The following TGFBR2 variants were observed in gnomAD, a reference collection of about 807,000 sequenced individuals.
The protein encoded by TGFBR2 is transforming growth factor beta receptor 2.
A neutral mutation model predicts 49.0 loss-of-function variants in TGFBR2; 18 were observed. The observed-to-expected ratio is 0.37, with a 90% CI of 0.25 to 0.54. The LOEUF (loss-of-function observed/expected upper bound fraction) is 0.54. Ranked by LOEUF, TGFBR2 falls within the 20% of genes least tolerant of loss-of-function variation. TGFBR2 has a pLI of 0.85. For missense variants in TGFBR2, 525 were observed against 722.6 expected (o/e 0.73, Z 3.13); for synonymous variants, 282 against 275.9 (o/e 1.02, Z -0.22).
intron 1 of TGFBR2, among the ~76,000 whole-genome samples, chr3:30,621,823 T>C (rs1698236958): frequency 6.6e-6 from 1 of 152,212 alleles, no homozygotes; most frequent in Admixed American, 6.5e-5. Flanking sequence ...ATCAGTTTAT[T>C]ACTGAGATGC....
chr3:30,645,043 G>T, intron 2 of TGFBR2, 128 bp downstream of exon 2: 1 of 872,456 alleles, frequency 1.1e-6, no homozygotes, highest in South Asian at 1.5e-5. Context: ...CTTTCCTTTA[G>T]ACCATCTCTC....
At chr3:30,691,062 G>A (rs1217353773) in intron 6 of TGFBR2, among the ~76,000 whole-genome samples, 2 of 152,202 alleles carry the variant, frequency 1.3e-5, no homozygotes, top group African/African-American at 4.8e-5. Flanking sequence ...ATAGAAAGGT[G>A]TTGAAATGAT....
chr3:30,691,143 A>T (rs1034769293), intron 6 of TGFBR2, among the ~76,000 whole-genome samples: 1 of 152,174 alleles, frequency 6.6e-6, no homozygotes, highest in Non-Finnish European at 1.5e-5. Flanking sequence ...CCAGCAGAGG[A>T]TCATTGTGCT....
Position 30,692,873 on chromosome 3 carries a change from A to G in TGFBR2, c.*1274A>G. 1 of 233,252 alleles carries G rather than the reference A, an allele frequency of 4.3e-6. No individual in the cohort carries two copies. The allele number at this position is 233,252 out of a possible 1,614,324, so 14.4% of individuals were successfully genotyped here. On this transcript the variant is annotated 3_prime_UTR_variant, in exon 7 of 7. Transcript: ENST00000295754. The stretch of plus-strand genomic sequence containing the variant: ...TAAGGATAGCAGATGGTTTTCAGTT[A>G]TCTCCAGTCCACGTTCACAAAATGT...
rs536030613 is a variant in TGFBR2 at position 30,612,730 on chromosome 3, A to G, written c.94+5753A>G. Among the ~76,000 whole-genome samples the G allele has an allele frequency of 8.0e-5, 6 of 74,818 alleles. No individual in the cohort carries two copies. The South Asian group carries it at 1.6e-3, about 20-fold the overall frequency. 49.1% of individuals were successfully genotyped at this position (74,818 alleles called of 152,430 possible). A position where few individuals can be genotyped will look rare whatever the true frequency, so the allele number is the denominator to read the frequency against. ...CCCCAAATTTTGAGTGTGTAGGACA[A>G]TCATTTGTGTACAATCGTGTACAAC... is the stretch of plus-strand genomic sequence containing the variant. On this transcript the variant is annotated intron_variant, in intron 1 of 6. Transcript: ENST00000295754.
intron 3 of TGFBR2, among the ~76,000 whole-genome samples, chr3:30,652,845 T>C (rs559261005): frequency 6.6e-6 from 1 of 152,326 alleles, no homozygotes; most frequent in African/African-American, 2.4e-5. Context: ...TCATTGAATA[T>C]CTTTGTCAAA....
At chr3:30,614,004 G>GA (rs1698083586) in intron 1 of TGFBR2, among the ~76,000 whole-genome samples, 1 of 151,526 alleles carries the variant, frequency 6.6e-6, no homozygotes, top group South Asian at 2.1e-4. Context: ...GAACATTAAA[G>GA]AAAAAATGAG....
At chr3:30,669,555 G>C (rs757292088) in intron 3 of TGFBR2, among the ~76,000 whole-genome samples, 2 of 152,172 alleles carry the variant, frequency 1.3e-5, no homozygotes, top group Non-Finnish European at 2.9e-5. Context: ...GGTTCAATCA[G>C]GTATGACGTT....
chr3:30,621,657 G>A (rs1017905203), intron 1 of TGFBR2, among the ~76,000 whole-genome samples: 4 of 152,116 alleles, frequency 2.6e-5, no homozygotes, highest in Non-Finnish European at 5.9e-5. Context: ...TTTTAATTTA[G>A]CATGTCATTG....
intron 3 of TGFBR2, among the ~76,000 whole-genome samples, chr3:30,669,051 G>A (rs1326012548): frequency 1.4e-5 from 2 of 143,252 alleles, no homozygotes; most frequent in Admixed American, 1.5e-4. Context: ...GCCAAGGCGG[G>A]CAGATCACAA....
At chr3:30,622,252 C>G (rs1203159605) in intron 1 of TGFBR2, among the ~76,000 whole-genome samples, 11 of 152,062 alleles carry the variant, frequency 7.2e-5, no homozygotes, top group Admixed American at 7.2e-4. Flanking sequence ...CTTTAGATGA[C>G]CAGGGAGGCT....
chr3:30,615,011 G>A (rs140193545), intron 1 of TGFBR2, among the ~76,000 whole-genome samples: 247 of 152,190 alleles, frequency 1.6e-3, no homozygotes, highest in African/African-American at 5.8e-3. Context: ...AATAACACTC[G>A]GTTTATACAC....
At chr3:30,630,250 C>T (rs1158197746) in intron 1 of TGFBR2, among the ~76,000 whole-genome samples, 1 of 152,174 alleles carries the variant, frequency 6.6e-6, no homozygotes, top group African/African-American at 2.4e-5. Flanking sequence ...AGATAAGATT[C>T]AGTGTGGGGC....
intron 3 of TGFBR2, chr3:30,661,432 C>T (rs935685007): frequency 2.6e-6 from 1 of 380,396 alleles, no homozygotes; most frequent in African/African-American, 2.1e-5. Context: ...TAAGGAGGAA[C>T]ATAAAGGGTG....
chr3:30,659,137 T>C (rs897544901), intron 3 of TGFBR2, among the ~76,000 whole-genome samples: 4 of 152,250 alleles, frequency 2.6e-5, no homozygotes, highest in Non-Finnish European at 5.9e-5. Context: ...CTTGGAACTG[T>C]GCACTCACGC....
chr3:30,656,259 A>C (rs1039230728), intron 3 of TGFBR2, among the ~76,000 whole-genome samples: 1 of 152,202 alleles, frequency 6.6e-6, no homozygotes, highest in African/African-American at 2.4e-5. Context: ...TTATTTTTTA[A>C]ATATACTCCA....
rs575547652 is a variant in TGFBR2 at position 30,624,366 on chromosome 3, C to T, written c.94+17389C>T. On this transcript the variant is annotated intron_variant, in intron 1 of 6. Coordinates refer to ENST00000295754, the MANE Select transcript of TGFBR2 (RefSeq NM_003242.6). ...GGCACGGTGGCTCACACCTGTAATC[C>T]CGGATCTTTGGGAGGCCGAGGAGGG... Among the ~76,000 whole-genome samples the T allele has an allele frequency of 6.6e-5, 10 of 152,108 alleles. No individual in the cohort carries two copies. In the South Asian group the frequency reaches 2.1e-3, roughly 32 times the overall value.
At chr3:30,636,988 T>C (rs748535747) in intron 1 of TGFBR2, among the ~76,000 whole-genome samples, 13 of 148,340 alleles carry the variant, frequency 8.8e-5, no homozygotes, top group Admixed American at 4.1e-4. Context: ...GGCGTGAACC[T>C]GGGAGGCAGA....
At chr3:30,689,237 G>T (rs1355762568) in intron 6 of TGFBR2, among the ~76,000 whole-genome samples, 2 of 152,154 alleles carry the variant, frequency 1.3e-5, no homozygotes, top group African/African-American at 2.4e-5. Flanking sequence ...TTGTTTGGGG[G>T]CACTTTGATG....
Sources: gnomAD v4.1 joint callset for allele counts (sites outside exome capture counted in the v4.1 genomes callset) on GRCh38, gnomAD v4.1.1 for gene constraint, MANE v1.5 for transcripts, NCBI Gene and HGNC (gene_info 2026-07-23, HGNC 2026-07-21) for gene names.